AUTS2: variants seen among roughly 807,000 people sequenced by gnomAD.
AUTS2 encodes the protein autism susceptibility gene 2 protein.
Under a neutral mutation model 112.4 loss-of-function variants are expected in AUTS2, and 17 were observed. The observed-to-expected ratio is 0.15, with a 90% CI of 0.10 to 0.23. The LOEUF (loss-of-function observed/expected upper bound fraction) is 0.23, where lower values mean the gene tolerates loss of function less well. Ranked by LOEUF, AUTS2 falls within the 10% of genes least tolerant of loss-of-function variation. The pLI, the probability that AUTS2 is intolerant of heterozygous loss-of-function variation, is 1.00. For missense variants in AUTS2, 1,510 were observed against 1,701.6 expected (o/e 0.89, Z 1.98); for synonymous variants, 751 against 702.7 (o/e 1.07, Z -1.09).
chr7:70,395,413 T>C (rs550555903), intron 4 of AUTS2, among the ~76,000 whole-genome samples: 1 of 152,372 alleles, frequency 6.6e-6, no homozygotes, highest in South Asian at 2.1e-4. Flanking sequence ...GTGTTTGTCT[T>C]CAAAGCCTAT....
intron 5 of AUTS2, among the ~76,000 whole-genome samples, chr7:70,588,952 T>C (rs1802806896): frequency 6.6e-6 from 1 of 152,200 alleles, no homozygotes. Flanking sequence ...CATTCTGAGA[T>C]CTAAGCATAT....
At chr7:70,672,757 C>T (rs1807710612) in intron 5 of AUTS2, among the ~76,000 whole-genome samples, 1 of 152,124 alleles carries the variant, frequency 6.6e-6, no homozygotes, top group South Asian at 2.1e-4. Context: ...TGCCCGCCAC[C>T]ACACCCAGCT....
intron 4 of AUTS2, among the ~76,000 whole-genome samples, chr7:70,342,245 T>A (rs1453380149): frequency 6.6e-6 from 1 of 152,150 alleles, no homozygotes; most frequent in African/African-American, 2.4e-5. Flanking sequence ...AAGCCAACTC[T>A]GGGCATCTCA....
chr7:69,808,503 A>G (rs1790406303), intron 1 of AUTS2, among the ~76,000 whole-genome samples: 2 of 152,190 alleles, frequency 1.3e-5, no homozygotes, highest in Non-Finnish European at 2.9e-5. Context: ...GGATGAGGTC[A>G]CTTGGAAGTA....
At chr7:69,959,730 A>C (rs1186110639) in intron 2 of AUTS2, among the ~76,000 whole-genome samples, 2 of 152,160 alleles carry the variant, frequency 1.3e-5, no homozygotes, top group Non-Finnish European at 2.9e-5. Context: ...CTCTTTTAAA[A>C]TCTGCACACT....
At chr7:70,659,663 T>C (rs1268578367) in intron 5 of AUTS2, among the ~76,000 whole-genome samples, 1 of 152,168 alleles carries the variant, frequency 6.6e-6, no homozygotes, top group African/African-American at 2.4e-5. Flanking sequence ...GGAACTGTTA[T>C]GGCTGGGAAA....
At chr7:69,885,796 T>G (rs1794248519) in intron 1 of AUTS2, among the ~76,000 whole-genome samples, 1 of 152,202 alleles carries the variant, frequency 6.6e-6, no homozygotes, top group Non-Finnish European at 1.5e-5. Flanking sequence ...ACTGTAAACT[T>G]TTTCCAATGC....
At chr7:69,918,447 G>A (rs1448259651) in intron 2 of AUTS2, among the ~76,000 whole-genome samples, 2 of 152,102 alleles carry the variant, frequency 1.3e-5, no homozygotes, top group Non-Finnish European at 2.9e-5. Context: ...ATTGTTACGA[G>A]GTAACTTTGC....
At chr7:70,249,613 G>A (rs531399866) in intron 4 of AUTS2, among the ~76,000 whole-genome samples, 3 of 152,196 alleles carry the variant, frequency 2.0e-5, no homozygotes, top group African/African-American at 7.2e-5. Context: ...GTAGGAGATT[G>A]TTCAGGGCAA....
chr7:70,566,035 A>G (rs1052826007), intron 5 of AUTS2, among the ~76,000 whole-genome samples: 3 of 152,236 alleles, frequency 2.0e-5, no homozygotes, highest in Non-Finnish European at 4.4e-5. Context: ...CCACTTAAGT[A>G]CTGATAACAT....
At chr7:70,458,716 G>T (rs1336092098) in intron 5 of AUTS2, among the ~76,000 whole-genome samples, 1 of 152,112 alleles carries the variant, frequency 6.6e-6, no homozygotes, top group African/African-American at 2.4e-5. Flanking sequence ...TCTCCTCGGG[G>T]ACCATACTTT....
intron 4 of AUTS2, among the ~76,000 whole-genome samples, chr7:70,232,732 C>A (rs1376673686): frequency 1.3e-5 from 2 of 152,186 alleles, no homozygotes; most frequent in Non-Finnish European, 1.5e-5. Context: ...TTCCTTATCT[C>A]TGTCATTGTC....
At chr7:70,708,508 C>G (rs1195599938) in intron 6 of AUTS2, among the ~76,000 whole-genome samples, 19 of 151,948 alleles carry the variant, frequency 1.3e-4, no homozygotes, top group Non-Finnish European at 1.5e-5. Context: ...ATAGATGACA[C>G]CCACCTGACC....
intron 4 of AUTS2, among the ~76,000 whole-genome samples, chr7:70,322,294 A>G (rs1375858528): frequency 6.6e-6 from 1 of 152,230 alleles, no homozygotes; most frequent in Non-Finnish European, 1.5e-5. Context: ...GAATTGGTCA[A>G]CTGCTACATT....
At chr7:70,568,317 T>C (rs1801790096) in intron 5 of AUTS2, among the ~76,000 whole-genome samples, 1 of 152,214 alleles carries the variant, frequency 6.6e-6, no homozygotes, top group Non-Finnish European at 1.5e-5. Flanking sequence ...CCTTAACCAT[T>C]CTGTATCTCA....
At position 70,082,286 on chromosome 7, in the gene AUTS2, T is replaced by C. The variant is rs1252505050; in HGVS notation, c.523-35846T>C. ...AATTTCATGGTATATGGATGATTTA[T>C]TGTAATCTCTTGTGAGGAAATTCAT... On this transcript the variant is annotated intron_variant, in intron 2 of 18. Transcript: ENST00000342771. Among the ~76,000 whole-genome samples, 9 of 152,232 alleles carry C rather than the reference T, an allele frequency of 5.9e-5. No homozygotes were observed. In the East Asian group the frequency reaches 1.5e-3, roughly 26 times the overall value.
intron 4 of AUTS2, among the ~76,000 whole-genome samples, chr7:70,273,758 T>C (rs1787802760): frequency 6.6e-6 from 1 of 152,142 alleles, no homozygotes; most frequent in African/African-American, 2.4e-5. Flanking sequence ...GCCCTCTGTA[T>C]GTGTGGGTTT....
At chr7:70,520,143 CA>C (rs544862276) in intron 5 of AUTS2, among the ~76,000 whole-genome samples, 365 of 151,996 alleles carry the variant, frequency 2.4e-3, no homozygotes, top group Middle Eastern at 6.8e-3. Context: ...TTTTATGGTT[CA>C]TGCTTTTGCT....
intron 5 of AUTS2, among the ~76,000 whole-genome samples, chr7:70,519,694 A>G (rs560001781): frequency 2.0e-5 from 3 of 152,130 alleles, no homozygotes; most frequent in Non-Finnish European, 4.4e-5. Context: ...TCTGCATTGG[A>G]TCTGTATTGG....
Sources: gnomAD v4.1 joint callset for allele counts (sites outside exome capture counted in the v4.1 genomes callset) on GRCh38, gnomAD v4.1.1 for gene constraint, MANE v1.5 for transcripts, NCBI Gene and HGNC (gene_info 2026-07-23, HGNC 2026-07-21) for gene names.